NFIA: variants seen among roughly 807,000 people sequenced by gnomAD.
NFIA encodes the protein nuclear factor I A.
Under a neutral mutation model 62.8 loss-of-function variants are expected in NFIA, and 8 were observed. The ratio of observed to expected loss-of-function variants is 0.13; its 90% CI spans 0.07 to 0.23. The LOEUF is 0.23. NFIA is among the 10% of genes least tolerant of loss of function. NFIA has a pLI of 1.00. For synonymous variants in NFIA, 235 were observed against 238.1 expected (o/e 0.99, Z 0.12); for missense variants, 410 against 642.1 (o/e 0.64, Z 3.91).
At chr1:61,441,235 T>C (rs1399098037) in intron 10 of NFIA, among the ~76,000 whole-genome samples, 1 of 151,958 alleles carries the variant, frequency 6.6e-6, no homozygotes, top group Non-Finnish European at 1.5e-5. Context: ...AAGGAACAAA[T>C]GCATGTAATT....
intron 2 of NFIA, among the ~76,000 whole-genome samples, chr1:61,099,080 C>G (rs1017226941): frequency 2.6e-5 from 4 of 152,214 alleles, no homozygotes; most frequent in African/African-American, 9.6e-5. Context: ...ATCCTTTGTA[C>G]TTTTACCACC....
Position 61,461,095 on chromosome 1 carries a change from A to G in NFIA, c.*5775A>G, listed in dbSNP as rs1480487199. 1 of 152,200 alleles carries G rather than the reference A, an allele frequency of 6.6e-6. No homozygotes were observed. The highest frequency in any genetic ancestry group is 6.5e-5 in the Admixed American group (1 of 15,284). 9.4% of individuals were successfully genotyped at this position (152,200 alleles called of 1,614,324 possible). A position where few individuals can be genotyped will look rare whatever the true frequency, so the allele number is the denominator to read the frequency against. On this transcript the variant is annotated 3_prime_UTR_variant, in exon 11 of 11. Coordinates refer to ENST00000403491, the MANE Select transcript of NFIA (RefSeq NM_001134673.4). ...AGTACCTGGCGAGATTTTTGTCTCAAAACGACTATTTGAATTTCAAGAACT... is the reference window on the plus strand; with the variant it reads ...AGTACCTGGCGAGATTTTTGTCTCAGAACGACTATTTGAATTTCAAGAACT...
intron 2 of NFIA, among the ~76,000 whole-genome samples, chr1:61,145,234 G>A (rs975095350): frequency 2.0e-5 from 3 of 152,142 alleles, no homozygotes; most frequent in African/African-American, 4.8e-5. Flanking sequence ...GTAGGAACAC[G>A]AAGCTAACAT....
At chr1:61,114,787 A>G (rs957336381) in intron 2 of NFIA, among the ~76,000 whole-genome samples, 1 of 152,114 alleles carries the variant, frequency 6.6e-6, no homozygotes, top group Admixed American at 6.6e-5. Context: ...TACCTTGTTC[A>G]TAGTATGTAA....
At chr1:61,417,233 A>G (rs1353968807) in intron 9 of NFIA, among the ~76,000 whole-genome samples, 1 of 148,540 alleles carries the variant, frequency 6.7e-6, no homozygotes, top group African/African-American at 2.5e-5. Context: ...CCCATTATCA[A>G]CTATTAACAT....
At chr1:61,314,154 T>C (rs1660251506) in intron 3 of NFIA, among the ~76,000 whole-genome samples, 1 of 152,198 alleles carries the variant, frequency 6.6e-6, no homozygotes. Context: ...TTTGATGACT[T>C]GTATAGGCCA....
chr1:61,441,278 G>A (rs1375346257), intron 10 of NFIA, among the ~76,000 whole-genome samples: 1 of 148,666 alleles, frequency 6.7e-6, no homozygotes, highest in Non-Finnish European at 1.5e-5. Context: ...TACTTTCATA[G>A]ACTGCCGTGC....
At chr1:61,402,728 A>G (rs1453640333) in intron 7 of NFIA, among the ~76,000 whole-genome samples, 1 of 152,194 alleles carries the variant, frequency 6.6e-6, no homozygotes, top group African/African-American at 2.4e-5. Context: ...TGGGCAGATT[A>G]AAGATTGCAT....
chr1:61,277,946 A>T (rs1657911446), intron 3 of NFIA, among the ~76,000 whole-genome samples: 1 of 152,068 alleles, frequency 6.6e-6, no homozygotes, highest in Non-Finnish European at 1.5e-5. Context: ...TTAGTTCTTT[A>T]ATGTGGCAAA....
intron 2 of NFIA, among the ~76,000 whole-genome samples, chr1:61,265,341 G>A (rs1179674752): frequency 1.3e-5 from 2 of 152,180 alleles, no homozygotes; most frequent in African/African-American, 4.8e-5. Flanking sequence ...GAAAGCCATG[G>A]TAGAATTCAA....
chr1:61,244,849 G>T (rs1655547440), intron 2 of NFIA, among the ~76,000 whole-genome samples: 1 of 152,090 alleles, frequency 6.6e-6, no homozygotes, highest in Admixed American at 6.5e-5. Context: ...ATAGACTTCA[G>T]GGAATTATGC....
At chr1:61,267,679 G>T (rs1657258909) in intron 2 of NFIA, among the ~76,000 whole-genome samples, 2 of 152,176 alleles carry the variant, frequency 1.3e-5, no homozygotes, top group African/African-American at 4.8e-5. Flanking sequence ...GCTGTAAATT[G>T]TTCCAAGGGT....
intron 2 of NFIA, among the ~76,000 whole-genome samples, chr1:61,117,509 GA>G (rs11455772): frequency 6.6e-6 from 1 of 150,940 alleles, no homozygotes; most frequent in African/African-American, 2.4e-5. Flanking sequence ...TTAAGAACAG[GA>G]AAAAAAAATG....
chr1:61,249,985 G>C (rs530557738), intron 2 of NFIA: 1 of 152,276 alleles, frequency 6.6e-6, no homozygotes, highest in Non-Finnish European at 1.5e-5. Context: ...TCCTTTTCTA[G>C]GAAAATATTG....
chr1:61,364,712 G>T (rs191265150), intron 6 of NFIA, among the ~76,000 whole-genome samples: 1 of 152,058 alleles, frequency 6.6e-6, no homozygotes, highest in Non-Finnish European at 1.5e-5. Context: ...TATTAGCTCC[G>T]TATTAAGAAT....
intron 2 of NFIA, among the ~76,000 whole-genome samples, chr1:61,151,767 C>T (rs1648431528): frequency 6.6e-6 from 1 of 152,068 alleles, no homozygotes; most frequent in Non-Finnish European, 1.5e-5. Context: ...TTCATTTCTC[C>T]CCTAGGCACA....
chr1:61,148,290 A>G (rs1303936091), intron 2 of NFIA, among the ~76,000 whole-genome samples: 2 of 152,134 alleles, frequency 1.3e-5, no homozygotes, highest in African/African-American at 4.8e-5. Flanking sequence ...ACCTTCTAGC[A>G]ATAATATTCT....
At chr1:61,333,057 A>G (rs1570593684) in intron 4 of NFIA, among the ~76,000 whole-genome samples, 1 of 148,750 alleles carries the variant, frequency 6.7e-6, no homozygotes, top group East Asian at 2.0e-4. Context: ...GCACACACAC[A>G]CACACACACA....
chr1:61,089,695 CTTTTT>C (rs918196815), intron 2 of NFIA, among the ~76,000 whole-genome samples: 4 of 107,750 alleles, frequency 3.7e-5, no homozygotes, highest in Non-Finnish European at 7.8e-5. Flanking sequence ...GTTTTTTTTT[CTTTTT>C]TTTTTTTTTT....
Sources: gnomAD v4.1 joint callset for allele counts (sites outside exome capture counted in the v4.1 genomes callset) on GRCh38, gnomAD v4.1.1 for gene constraint, MANE v1.5 for transcripts, NCBI Gene and HGNC (gene_info 2026-07-23, HGNC 2026-07-21) for gene names.